RBFOX1: variants seen among roughly 807,000 people sequenced by gnomAD.
RBFOX1 encodes RNA binding fox-1 homolog 1, also known as RNA binding protein fox-1 homolog 1.
A neutral mutation model predicts 57.7 loss-of-function variants in RBFOX1; 8 were observed. The observed-to-expected ratio is 0.14, with a 90% CI of 0.08 to 0.25. RBFOX1 has a LOEUF of 0.25. Among genes scored for constraint, RBFOX1 ranks in the 10% least tolerant of loss-of-function variants. The pLI, the probability that RBFOX1 is intolerant of heterozygous loss-of-function variation, is 1.00. For synonymous variants in RBFOX1, 326 were observed against 222.4 expected (o/e 1.47, Z -4.15); for missense variants, 611 against 548.5 (o/e 1.11, Z -1.14).
At chr16:6,957,005 T>A (rs1050863029) in intron 3 of RBFOX1, among the ~76,000 whole-genome samples, 2 of 151,818 alleles carry the variant, frequency 1.3e-5, no homozygotes, top group African/African-American at 4.9e-5. Flanking sequence ...AAAGCAAGTT[T>A]ATTAAGAAAG....
chr16:7,653,984 C>T (rs780746632), intron 12 of RBFOX1, 37 bp downstream of exon 12: 4 of 1,455,280 alleles, frequency 2.7e-6, no homozygotes, highest in South Asian at 2.8e-5. Context: ...CCTCCCTGCA[C>T]CAGCCCTCCC....
intron 4 of RBFOX1, among the ~76,000 whole-genome samples, chr16:7,149,071 A>G (rs1242698721): frequency 6.6e-6 from 1 of 152,152 alleles, no homozygotes; most frequent in African/African-American, 2.4e-5. Context: ...TTTTTCTAAA[A>G]CATTTCCTTT....
At chr16:5,642,616 C>A (rs371926727) in intron 3 of RBFOX1, among the ~76,000 whole-genome samples, 14 of 152,084 alleles carry the variant, frequency 9.2e-5, no homozygotes, top group African/African-American at 1.7e-4. Flanking sequence ...AGCCGCCCCC[C>A]CTTCCCCAGC....
intron 12 of RBFOX1, among the ~76,000 whole-genome samples, chr16:7,658,179 C>T (rs898581759): frequency 8.5e-5 from 13 of 152,126 alleles, no homozygotes; most frequent in Non-Finnish European, 1.8e-4. Context: ...TTATTAACCA[C>T]CCACAGTCTT....
At chr16:7,319,814 T>C (rs563347968) in intron 4 of RBFOX1, among the ~76,000 whole-genome samples, 1 of 152,246 alleles carries the variant, frequency 6.6e-6, no homozygotes, top group Admixed American at 6.5e-5. Context: ...CAAGTTGCCA[T>C]GAATGATGTA....
chr16:6,868,504 C>G (rs1373190068), intron 3 of RBFOX1, among the ~76,000 whole-genome samples: 4 of 152,048 alleles, frequency 2.6e-5, no homozygotes, highest in African/African-American at 7.3e-5. Context: ...GACAGTCTCA[C>G]TCTGTCACCC....
intron 2 of RBFOX1, among the ~76,000 whole-genome samples, chr16:6,400,879 ACT>A (rs1276621761): frequency 2.6e-5 from 4 of 152,132 alleles, no homozygotes; most frequent in Admixed American, 6.6e-5. Context: ...AAAGAGCAAG[ACT>A]CTGTCTCAAA....
chr16:6,955,023 G>A (rs926491077), intron 3 of RBFOX1, among the ~76,000 whole-genome samples: 1 of 150,802 alleles, frequency 6.6e-6, no homozygotes, highest in African/African-American at 2.4e-5. Context: ...TTGAGCCCGG[G>A]AGTTCAAGAC....
At chr16:7,365,394 G>A (rs866603795) in intron 4 of RBFOX1, among the ~76,000 whole-genome samples, 1 of 152,122 alleles carries the variant, frequency 6.6e-6, no homozygotes, top group Non-Finnish European at 1.5e-5. Context: ...CATAGCCATA[G>A]CCAGGCAGGA....
In RBFOX1 at chr16:7,024,594, G is replaced by C. The variant is rs868660374; in HGVS notation, c.-15-27463G>C. ...GGCAGGTAAGGGATATATTGCAAGC[G>C]ATAACTGTGGGGTCGCCACTCCCCT... On this transcript the variant is annotated intron_variant, in intron 3 of 15. Transcript: ENST00000550418. 2.8e-4 allele frequency among the ~76,000 whole-genome samples: 43 copies of C among 152,226 alleles called. 1 individual carries two copies. In the Middle Eastern group the frequency reaches 0.01, roughly 36 times the overall value.
chr16:6,012,229 C>G (rs2094965547), intron 4 of RBFOX1, among the ~76,000 whole-genome samples: 1 of 152,166 alleles, frequency 6.6e-6, no homozygotes, highest in Non-Finnish European at 1.5e-5. Flanking sequence ...GGATGGTAAT[C>G]TGGTTTACAG....
chr16:5,644,717 A>C (rs1425926322), intron 3 of RBFOX1, among the ~76,000 whole-genome samples: 1 of 152,232 alleles, frequency 6.6e-6, no homozygotes, highest in African/African-American at 2.4e-5. Flanking sequence ...GATCATGTCC[A>C]CAAAAAGCCC....
intron 4 of RBFOX1, among the ~76,000 whole-genome samples, chr16:7,208,857 GA>G (rs1205375289): frequency 5.9e-5 from 9 of 151,982 alleles, no homozygotes; most frequent in Non-Finnish European, 1.2e-4. Context: ...CAGATAAACA[GA>G]CAAAAAGCCC....
chr16:6,268,580 T>G (rs1170609624), intron 1 of RBFOX1, among the ~76,000 whole-genome samples: 1 of 152,208 alleles, frequency 6.6e-6, no homozygotes, highest in Non-Finnish European at 1.5e-5. Flanking sequence ...TAAACCCTAC[T>G]GTGAACCTGA....
At chr16:6,929,155 G>T (rs963554740) in intron 3 of RBFOX1, among the ~76,000 whole-genome samples, 8 of 152,042 alleles carry the variant, frequency 5.3e-5, no homozygotes, top group African/African-American at 1.9e-4. Flanking sequence ...TCTTCTCCTG[G>T]ATACCCTACT....
chr16:7,590,746 C>G (rs925335882), intron 7 of RBFOX1, among the ~76,000 whole-genome samples: 1 of 151,480 alleles, frequency 6.6e-6, no homozygotes. Flanking sequence ...GTAATCCCAG[C>G]TACTCGGGAG....
At chr16:5,834,946 C>G (rs1276305844) in intron 3 of RBFOX1, among the ~76,000 whole-genome samples, 1 of 152,160 alleles carries the variant, frequency 6.6e-6, no homozygotes, top group Non-Finnish European at 1.5e-5. Context: ...AGAGGTGTTA[C>G]CAGTTTACAT....
intron 3 of RBFOX1, among the ~76,000 whole-genome samples, chr16:6,665,626 CAAA>C (rs71406390): frequency 9.9e-6 from 1 of 101,456 alleles, no homozygotes; most frequent in African/African-American, 3.7e-5. Context: ...ACTCCATCTC[CAAA>C]AAAAAAAAAA....
intron 5 of RBFOX1, among the ~76,000 whole-genome samples, chr16:7,573,711 A>G (rs3826214): frequency 0.26 from 39,838 of 151,782 alleles, 6,181 homozygotes; most frequent in Non-Finnish European, 0.34. Context: ...GCACACACCT[A>G]TAAATCCCAG....
Sources: allele counts gnomAD v4.1 joint callset (sites outside exome capture counted in the v4.1 genomes callset), GRCh38; gene constraint gnomAD v4.1.1; transcripts MANE v1.5; gene names NCBI Gene and HGNC (gene_info 2026-07-23, HGNC 2026-07-21).